Variants in MLXIP observed in about 807,000 individuals in gnomAD.
The protein encoded by MLXIP is MLX-interacting protein.
Under a neutral mutation model 87.2 loss-of-function variants are expected in MLXIP, and 30 were observed. That is an observed-to-expected ratio of 0.34 (90% CI 0.26 to 0.47). The LOEUF (loss-of-function observed/expected upper bound fraction) is 0.47. Among genes scored for constraint, MLXIP ranks in the 20% least tolerant of loss-of-function variants. The pLI is 1.00. For missense variants in MLXIP, 1,002 were observed against 1,240.1 expected (o/e 0.81, Z 2.88); for synonymous variants, 530 against 514.0 (o/e 1.03, Z -0.42).
At chr12:122,136,120 T>C (rs554383624) in intron 11 of MLXIP, 15 of 161,208 alleles carry the variant, frequency 9.3e-5, no homozygotes, top group Admixed American at 3.6e-4. Flanking sequence ...ATGTCCACTC[T>C]TAGGCCATCC....
At chr12:122,082,669 A>G (rs61952922) in intron 1 of MLXIP, among the ~76,000 whole-genome samples, 73,981 of 152,046 alleles carry the variant, frequency 0.49, 18,160 homozygotes, top group Middle Eastern at 0.64. Context: ...CTGAGCTTTC[A>G]AATGCCTGCT....
intron 1 of MLXIP, among the ~76,000 whole-genome samples, chr12:122,093,782 T>A: frequency 8.0e-6 from 1 of 125,176 alleles, no homozygotes. Context: ...TGTGTGTATT[T>A]GCAGTGTCTG....
intron 1 of MLXIP, among the ~76,000 whole-genome samples, chr12:122,095,070 G>A (rs1376489764): frequency 6.9e-6 from 1 of 143,942 alleles, no homozygotes; most frequent in African/African-American, 2.6e-5. Flanking sequence ...CTGTGGGGTG[G>A]TGTTGGTGTA....
chr12:122,094,912 GT>G (rs1952325860), intron 1 of MLXIP, among the ~76,000 whole-genome samples: 1 of 147,836 alleles, frequency 6.8e-6, no homozygotes, highest in African/African-American at 2.5e-5. Flanking sequence ...GGGTATGTGT[GT>G]GCATTGTCTG....
intron 1 of MLXIP, among the ~76,000 whole-genome samples, chr12:122,113,628 A>G (rs867667442): frequency 2.0e-4 from 31 of 151,770 alleles, no homozygotes; most frequent in African/African-American, 6.1e-4. Context: ...TGTATTGCCA[A>G]GACTTAAGGG....
At chr12:122,121,271 G>A (rs1338983099) in intron 1 of MLXIP, among the ~76,000 whole-genome samples, 3 of 147,002 alleles carry the variant, frequency 2.0e-5, no homozygotes, top group African/African-American at 7.6e-5. Context: ...GCCTCCCAAA[G>A]TGCTGGAATT....
In MLXIP at chr12:122,144,478, A is replaced by C. The variant is rs1465078308; in HGVS notation, c.*2666A>C. 6.6e-6 allele frequency: 1 copy of C among 151,982 alleles called. No homozygotes were observed. The highest frequency in any genetic ancestry group is 2.4e-5 in the African/African-American group (1 of 41,330). The allele number at this position is 151,982 out of a possible 1,614,324, so 9.4% of individuals were successfully genotyped here. ...TGTAGCAGTGAGTGCCTGTGGTCCC[A>C]GCTACTTGGGCCTGAGGCTGGAGGA... On this transcript the variant is annotated 3_prime_UTR_variant, in exon 17 of 17. Transcript: ENST00000319080.
At chr12:122,093,362 GGT>G (rs1409184115) in intron 1 of MLXIP, among the ~76,000 whole-genome samples, 6 of 145,354 alleles carry the variant, frequency 4.1e-5, no homozygotes, top group Admixed American at 6.9e-5. Flanking sequence ...GTTGGTGTGT[GGT>G]GTGTGTTGGT....
rs370025893 is a variant in MLXIP, at chr12:122,138,256, C to G, written c.2217C>G (p.Phe739Leu). The G allele has an allele frequency of 1.2e-6, 2 of 1,613,322 alleles. No individual in the cohort carries two copies. The highest frequency in any genetic ancestry group is 1.7e-6 in the Non-Finnish European group (2 of 1,179,642). The change falls in exon 13 of 17, where the codon TTC becomes TTG. Residue 739 changes from phenylalanine to leucine, a missense_variant. Transcript: ENST00000319080. ...QKRRFNIKMC[F>L]DMLNSLISNN... ...GGCGCTTCAACATCAAGATGTGCTTCGACATGCTCAACAGCCTCATCTCCA... is the reference window on the plus strand; with the variant it reads ...GGCGCTTCAACATCAAGATGTGCTTGGACATGCTCAACAGCCTCATCTCCA...
intron 1 of MLXIP, among the ~76,000 whole-genome samples, chr12:122,104,857 G>A (rs1350242856): frequency 6.6e-6 from 1 of 152,054 alleles, no homozygotes; most frequent in African/African-American, 2.4e-5. Context: ...TAGGATTACA[G>A]GCATGAGCCA....
At chr12:122,116,606 G>T (rs1014290698) in intron 1 of MLXIP, among the ~76,000 whole-genome samples, 1 of 152,160 alleles carries the variant, frequency 6.6e-6, no homozygotes, top group Non-Finnish European at 1.5e-5. Flanking sequence ...GCTTTAAATG[G>T]TGCCCTGCCC....
At chr12:122,138,622 G>A in intron 14 of MLXIP, 71 bp downstream of exon 14, 2 of 1,545,394 alleles carry the variant, frequency 1.3e-6, no homozygotes, top group Non-Finnish European at 1.7e-6. Context: ...AGAGGTGGTG[G>A]GACCCTGTGG....
At chr12:122,089,975 G>A (rs1331845083) in intron 1 of MLXIP, among the ~76,000 whole-genome samples, 1 of 152,172 alleles carries the variant, frequency 6.6e-6, no homozygotes, top group Non-Finnish European at 1.5e-5. Flanking sequence ...CGACTGGTTA[G>A]CATCTGCCCC....
chr12:122,101,039 A>G (rs964588423), intron 1 of MLXIP, among the ~76,000 whole-genome samples: 1 of 148,630 alleles, frequency 6.7e-6, no homozygotes, highest in Admixed American at 6.6e-5. Flanking sequence ...TCAAAAAATT[A>G]TAATATATTC....
At chr12:122,099,448 T>A (rs1952404103) in intron 1 of MLXIP, among the ~76,000 whole-genome samples, 1 of 152,110 alleles carries the variant, frequency 6.6e-6, no homozygotes, top group Non-Finnish European at 1.5e-5. Flanking sequence ...GGCATCGTGC[T>A]GCGCACTGGT....
At chr12:122,084,888 A>C (rs1952143537) in intron 1 of MLXIP, among the ~76,000 whole-genome samples, 1 of 152,210 alleles carries the variant, frequency 6.6e-6, no homozygotes, top group African/African-American at 2.4e-5. Flanking sequence ...CAACCCTGTC[A>C]GGTAGGTGGT....
At position 122,126,059 on chromosome 12, in the gene MLXIP, C is replaced by T. The variant is rs114480297; in HGVS notation, c.414-1197C>T. On this transcript the variant is annotated intron_variant, in intron 1 of 16. Transcript: ENST00000319080. ...TGTGGTCAGATCAAACCTCCACAGC[C>T]GCACTGTGATATGGACCAGAAATAG... is the stretch of plus-strand genomic sequence containing the variant. Among the ~76,000 whole-genome samples, 545 of 152,286 alleles carry T rather than the reference C, an allele frequency of 3.6e-3. 1 individual carries two copies. The highest frequency in any genetic ancestry group is 0.012 in the African/African-American group (493 of 41,560).
chr12:122,082,811 T>C (rs896449585), intron 1 of MLXIP, among the ~76,000 whole-genome samples: 7 of 152,192 alleles, frequency 4.6e-5, no homozygotes, highest in African/African-American at 1.7e-4. Flanking sequence ...CACACATGTA[T>C]ATCCTTCACA....
chr12:122,132,327 A>C lies in MLXIP; in HGVS notation c.1036A>C (p.Met346Leu). The C allele has an allele frequency of 1.2e-6, 2 of 1,613,242 alleles. No homozygotes were observed. Among genetic ancestry groups the C allele is most frequent in the Non-Finnish European group, 1.7e-6 (2 of 1,179,632 alleles). The stretch of plus-strand genomic sequence containing the variant: ...TTCTAGCCGCTCCATTTTTGGCTCC[A>C]TGCTACCTGCATCTGCCTCAGCACC... ...FSSSRSIFGS[M>L]LPASASAPVP... is the part of the protein sequence containing the mutation. Residue 346 changes from methionine to leucine, a missense_variant, in exon 8 of 17, where the codon ATG becomes CTG. This residue lies in a region of MLXIP where 746 missense variants were observed against 897.0 expected (regional missense o/e 0.83). Coordinates refer to ENST00000319080, the MANE Select transcript of MLXIP (RefSeq NM_014938.6).
Sources: gnomAD v4.1 joint callset for allele counts (sites outside exome capture counted in the v4.1 genomes callset) on GRCh38, gnomAD v4.1.1 for gene constraint, gnomAD v4.1.1 regional missense constraint, MANE v1.5 for transcripts, NCBI Gene and HGNC (gene_info 2026-07-23, HGNC 2026-07-21) for gene names.